Variants in PCDH9 observed in about 807,000 individuals in gnomAD.
The protein encoded by PCDH9 is protocadherin-9.
In PCDH9, 24 loss-of-function variants were observed where a neutral mutation model predicts 70.6. The observed-to-expected ratio is 0.34, with a 90% confidence interval of 0.25 to 0.48. The LOEUF (loss-of-function observed/expected upper bound fraction) is 0.48, where lower values mean the gene tolerates loss of function less well. Among genes scored for constraint, PCDH9 ranks in the 20% least tolerant of loss-of-function variants. The pLI, the probability that PCDH9 is intolerant of heterozygous loss-of-function variation, is 0.99. For missense variants in PCDH9, 1,281 were observed against 1,503.6 expected, an observed-to-expected ratio of 0.85 and a Z score of 2.45; for synonymous variants, 562 against 558.5, an observed-to-expected ratio of 1.01 and a Z score of -0.09.
At chr13:66,754,789 T>A (rs1049118054) in intron 3 of PCDH9, among the ~76,000 whole-genome samples, 1 of 152,190 alleles carries the variant, frequency 6.6e-6, no homozygotes, top group African/African-American at 2.4e-5. Flanking sequence ...CCAATTATTT[T>A]TCTTATTTGT....
intron 2 of PCDH9, among the ~76,000 whole-genome samples, chr13:67,096,026 A>G (rs890338129): frequency 6.6e-6 from 1 of 152,228 alleles, no homozygotes; most frequent in African/African-American, 2.4e-5. Context: ...AAGCACATAT[A>G]TAAGAGTCAA....
At chr13:67,151,425 G>T (rs536583425) in intron 2 of PCDH9, among the ~76,000 whole-genome samples, 6 of 152,176 alleles carry the variant, frequency 3.9e-5, no homozygotes, top group African/African-American at 7.2e-5. Flanking sequence ...CTGGTTGTGG[G>T]TGTCTGTGTC....
At chr13:67,185,191 T>A (rs1454441048) in intron 2 of PCDH9, among the ~76,000 whole-genome samples, 1 of 152,228 alleles carries the variant, frequency 6.6e-6, no homozygotes, top group African/African-American at 2.4e-5. Context: ...TATGTTTTGT[T>A]ATATTCTCAT....
intron 3 of PCDH9, among the ~76,000 whole-genome samples, chr13:66,701,284 C>T (rs999379783): frequency 5.3e-5 from 8 of 151,768 alleles, no homozygotes; most frequent in African/African-American, 1.7e-4. Context: ...TATATACACA[C>T]ACACGCACAC....
chr13:67,219,170 T>G (rs2089671189), intron 2 of PCDH9: 1 of 152,038 alleles, frequency 6.6e-6, no homozygotes, highest in South Asian at 2.1e-4. Flanking sequence ...GTATCACTCT[T>G]TACTGTTAAA....
intron 2 of PCDH9, among the ~76,000 whole-genome samples, chr13:67,004,998 C>T (rs1309258970): frequency 6.6e-6 from 1 of 152,034 alleles, no homozygotes; most frequent in Non-Finnish European, 1.5e-5. Context: ...TTTTTGGGAT[C>T]TTTTTCCTCC....
At chr13:66,716,362 G>T (rs568317761) in intron 3 of PCDH9, among the ~76,000 whole-genome samples, 1 of 152,148 alleles carries the variant, frequency 6.6e-6, no homozygotes, top group South Asian at 2.1e-4. Flanking sequence ...TAATTCATTG[G>T]CTTGTTTACT....
At chr13:66,738,652 C>A (rs1451147369) in intron 3 of PCDH9, among the ~76,000 whole-genome samples, 2 of 146,196 alleles carry the variant, frequency 1.4e-5, no homozygotes, top group Non-Finnish European at 3.0e-5. Context: ...CTTAAAGGAG[C>A]TGATGGAGCT....
At chr13:66,788,155 C>A (rs1342998720) in intron 3 of PCDH9, among the ~76,000 whole-genome samples, 1 of 152,152 alleles carries the variant, frequency 6.6e-6, no homozygotes, top group South Asian at 2.1e-4. Flanking sequence ...CAAGATCAAG[C>A]CACCAGCATC....
chr13:67,016,416 G>C (rs1387417938), intron 2 of PCDH9, among the ~76,000 whole-genome samples: 1 of 152,126 alleles, frequency 6.6e-6, no homozygotes, highest in African/African-American at 2.4e-5. Context: ...AAAACAGTTT[G>C]AGCTACTCAA....
At position 66,445,596 on chromosome 13, in the gene PCDH9, A is replaced by C. The variant is rs187407679; in HGVS notation, c.3341-140568T>G. 4.7e-3 allele frequency among the ~76,000 whole-genome samples: 678 copies of C among 143,518 alleles called. 5 individuals carry two copies. Among genetic ancestry groups the C allele is most frequent in the Non-Finnish European group, 7.0e-3 (462 of 66,468 alleles). The allele number at this position is 143,518 out of a possible 152,430, so 94.2% of individuals were successfully genotyped here. On this transcript the variant is annotated intron_variant, in intron 4 of 4. Transcript: ENST00000377865. ...TATATTATATATACACATATATATT[A>C]TATACACATATATATTATATATACA...
intron 2 of PCDH9, among the ~76,000 whole-genome samples, chr13:67,089,685 A>G (rs539610408): frequency 2.6e-5 from 4 of 152,184 alleles, no homozygotes; most frequent in Non-Finnish European, 5.9e-5. Context: ...TAAATACACA[A>G]GGGAAACAAT....
chr13:66,873,028 C>G (rs188540906), intron 3 of PCDH9, among the ~76,000 whole-genome samples: 1 of 152,166 alleles, frequency 6.6e-6, no homozygotes, highest in Admixed American at 6.5e-5. Context: ...TAATATCTAA[C>G]CTCTTAATGT....
intron 3 of PCDH9, among the ~76,000 whole-genome samples, chr13:66,681,229 C>G (rs1593884471): frequency 6.6e-6 from 1 of 152,042 alleles, no homozygotes; most frequent in East Asian, 1.9e-4. Flanking sequence ...CCTTTACTCC[C>G]ATTTACAGAG....
At position 66,509,468 on chromosome 13, in the gene PCDH9, C is replaced by T. The variant is rs112567295; in HGVS notation, c.3340+121742G>A. ...GCAAACTCAGAAATAACTAAATGAG[C>T]TTGACACATCCCACTGATCAACTTC... On this transcript the variant is annotated intron_variant, in intron 4 of 4. Transcript: ENST00000377865. Among the ~76,000 whole-genome samples, 573 of 152,268 alleles carry T rather than the reference C, an allele frequency of 3.8e-3. 6 individuals carry two copies. The highest frequency in any genetic ancestry group is 0.013 in the African/African-American group (552 of 41,546).
intron 4 of PCDH9, among the ~76,000 whole-genome samples, chr13:66,462,951 T>A (rs1168230216): frequency 6.6e-6 from 1 of 151,818 alleles, no homozygotes; most frequent in African/African-American, 2.4e-5. Context: ...CTAATTATTC[T>A]TGGTACAAAC....
intron 4 of PCDH9, among the ~76,000 whole-genome samples, chr13:66,507,623 T>C (rs534208508): frequency 6.6e-6 from 1 of 152,342 alleles, no homozygotes; most frequent in African/African-American, 2.4e-5. Context: ...CACGAAAATA[T>C]AGGATTGCCA....
chr13:66,872,008 A>G (rs770018253), intron 3 of PCDH9, among the ~76,000 whole-genome samples: 2 of 145,882 alleles, frequency 1.4e-5, no homozygotes, highest in Non-Finnish European at 3.0e-5. Context: ...AATATTTGTA[A>G]AACTGCATTT....
intron 3 of PCDH9, among the ~76,000 whole-genome samples, chr13:66,779,849 C>CTCTCTCTCTCTATATATATATATA (rs1395244975): frequency 1.5e-4 from 12 of 78,900 alleles, no homozygotes; most frequent in African/African-American, 6.2e-4. Context: ...CTCTCTCTCT[C>CTCTCTCTCTCTATATATATATATA]TATATATATA....
Sources: gnomAD v4.1 joint callset for allele counts (sites outside exome capture counted in the v4.1 genomes callset) on GRCh38, gnomAD v4.1.1 for gene constraint, MANE v1.5 for transcripts, NCBI Gene and HGNC (gene_info 2026-07-23, HGNC 2026-07-21) for gene names.